Variants in PRIM2 observed in about 807,000 individuals in gnomAD.
PRIM2 encodes DNA primase subunit 2.
Under a neutral mutation model 67.3 loss-of-function variants are expected in PRIM2, and 39 were observed. The ratio of observed to expected loss-of-function variants is 0.58; its 90% CI spans 0.45 to 0.76. The LOEUF is 0.76. PRIM2 is among the 30% of genes least tolerant of loss of function. PRIM2 has a pLI of 0.00. For synonymous variants in PRIM2, 143 were observed against 198.7 expected (o/e 0.72, Z 2.36); for missense variants, 398 against 598.7 (o/e 0.66, Z 3.50).
chr6:57,617,698 G>T (rs1776779544), intron 12 of PRIM2, among the ~76,000 whole-genome samples: 1 of 152,134 alleles, frequency 6.6e-6, no homozygotes, highest in Non-Finnish European at 1.5e-5. Flanking sequence ...CTCCTATTCT[G>T]TAGGTTTTCT....
the PRIM2 span, among the ~76,000 whole-genome samples, chr6:57,284,618 G>A: frequency 1.4e-4 from 22 of 152,012 alleles, no homozygotes; most frequent in South Asian, 2.1e-4. Context: ...CAGAAACAAC[G>A]CAAAATAAAT....
intron 10 of PRIM2, among the ~76,000 whole-genome samples, chr6:57,573,619 A>G (rs1220681593): frequency 2.0e-5 from 3 of 152,188 alleles, no homozygotes; most frequent in East Asian, 1.9e-4. Flanking sequence ...GCTTTTAAAG[A>G]TTATATATAC....
intron 7 of PRIM2, among the ~76,000 whole-genome samples, chr6:57,452,080 G>C (rs1772572805): frequency 6.6e-6 from 1 of 152,018 alleles, no homozygotes; most frequent in African/African-American, 2.4e-5. Flanking sequence ...ATGGTTTCCA[G>C]CTTCATCCAT....
At chr6:57,436,113 G>C (rs779941251) in intron 7 of PRIM2, among the ~76,000 whole-genome samples, 26 of 152,032 alleles carry the variant, frequency 1.7e-4, no homozygotes, top group Non-Finnish European at 1.3e-4. Flanking sequence ...CTCTTTTCCT[G>C]TTTATCTCTT....
At chr6:57,507,956 A>T (rs1425685968) in intron 8 of PRIM2, among the ~76,000 whole-genome samples, 1 of 152,130 alleles carries the variant, frequency 6.6e-6, no homozygotes, top group Non-Finnish European at 1.5e-5. Context: ...TTATTTTTTG[A>T]GATGGAATCT....
intron 7 of PRIM2, among the ~76,000 whole-genome samples, chr6:57,477,306 A>C (rs1373201088): frequency 8.5e-5 from 13 of 152,218 alleles, no homozygotes; most frequent in African/African-American, 3.1e-4. Flanking sequence ...TAGTTTTATG[A>C]AATTGAATTC....
chr6:57,582,780 TTA>T, intron 10 of PRIM2, among the ~76,000 whole-genome samples: 1 of 30,940 alleles, frequency 3.2e-5, no homozygotes, highest in Non-Finnish European at 5.4e-5. Context: ...AATATTTTCT[TTA>T]TTATTATTAT....
intron 10 of PRIM2, among the ~76,000 whole-genome samples, chr6:57,572,751 T>TG (rs1252250512): frequency 6.6e-6 from 1 of 152,064 alleles, no homozygotes; most frequent in Non-Finnish European, 1.5e-5. Context: ...AATCACGTGA[T>TG]GGGGGGTACA....
At chr6:57,226,017 TA>T in the PRIM2 span, among the ~76,000 whole-genome samples, 1 of 152,254 alleles carries the variant, frequency 6.6e-6, no homozygotes, top group East Asian at 1.9e-4. Flanking sequence ...TCATCTATAG[TA>T]AGGAGTTACC....
At chr6:57,511,988 C>T (rs1178562492) in intron 8 of PRIM2, among the ~76,000 whole-genome samples, 3 of 152,182 alleles carry the variant, frequency 2.0e-5, no homozygotes, top group East Asian at 1.9e-4. Flanking sequence ...TATAGAGAGA[C>T]AAGAAAAGGG....
chr6:57,534,213 C>T (rs1236708845), intron 9 of PRIM2, among the ~76,000 whole-genome samples: 1 of 152,154 alleles, frequency 6.6e-6, no homozygotes, highest in Non-Finnish European at 1.5e-5. Context: ...TCTTGGTCCG[C>T]ATTTCTCTGC....
chr6:57,243,961 G>A, the PRIM2 span, among the ~76,000 whole-genome samples: 1 of 152,144 alleles, frequency 6.6e-6, no homozygotes, highest in African/African-American at 2.4e-5. Flanking sequence ...CAGATAGAAT[G>A]GACTCCTCAT....
At chr6:57,319,816 T>G (rs1399785236) in intron 2 of PRIM2, among the ~76,000 whole-genome samples, 1 of 152,120 alleles carries the variant, frequency 6.6e-6, no homozygotes, top group Admixed American at 6.5e-5. Context: ...GGGAGGATAA[T>G]TAATTTGGAT....
chr6:57,474,995 C>T (rs1391189261), intron 7 of PRIM2, among the ~76,000 whole-genome samples: 10 of 152,230 alleles, frequency 6.6e-5, no homozygotes, highest in Middle Eastern at 3.4e-3. Context: ...ATTAGGCAAT[C>T]GGCTGCTCTG....
chr6:57,497,777 A>T (rs1554346515), intron 7 of PRIM2: 1 of 152,136 alleles, frequency 6.6e-6, no homozygotes, highest in Non-Finnish European at 1.5e-5. Flanking sequence ...ACCTGAAATA[A>T]TGTGTGTGAG....
At chr6:57,421,371 G>C (rs186206940) in intron 7 of PRIM2, among the ~76,000 whole-genome samples, 5 of 152,272 alleles carry the variant, frequency 3.3e-5, no homozygotes, top group Non-Finnish European at 2.9e-5. Flanking sequence ...TATCAGGCTA[G>C]TTGTTAAGTT....
the PRIM2 span, among the ~76,000 whole-genome samples, chr6:57,270,605 T>C: frequency 6.6e-6 from 1 of 152,196 alleles, no homozygotes; most frequent in African/African-American, 2.4e-5. Context: ...CTTTCCTAAT[T>C]GAATGCCCTT....
chr6:57,400,567 T>A (rs76298788), intron 7 of PRIM2, among the ~76,000 whole-genome samples: 2 of 152,148 alleles, frequency 1.3e-5, no homozygotes, highest in Non-Finnish European at 2.9e-5. Context: ...AATCTGTTGA[T>A]TATGTGTCTT....
chr6:57,626,710 G>A (rs1403927337), intron 12 of PRIM2, among the ~76,000 whole-genome samples: 23 of 150,330 alleles, frequency 1.5e-4, no homozygotes, highest in Admixed American at 1.3e-3. Flanking sequence ...CTGCAGCCTC[G>A]ACCTCCCCGA....
Sources: allele counts gnomAD v4.1 joint callset (sites outside exome capture counted in the v4.1 genomes callset), GRCh38; gene constraint gnomAD v4.1.1; transcripts MANE v1.5; gene names NCBI Gene and HGNC (gene_info 2026-07-23, HGNC 2026-07-21).